RAD51B: variants seen among roughly 807,000 people sequenced by gnomAD.
The protein encoded by RAD51B is DNA repair protein RAD51 homolog 2.
A neutral mutation model predicts 42.2 loss-of-function variants in RAD51B; 38 were observed. The ratio of observed to expected loss-of-function variants is 0.90; its 90% CI spans 0.70 to 1.18. RAD51B has a LOEUF of 1.18. RAD51B is among the 50% of genes most tolerant of loss of function. The probability of loss-of-function intolerance (pLI) is 0.00; values close to 1 mark genes in which losing one functional copy is unlikely to be tolerated. For missense variants in RAD51B, 373 were observed against 400.7 expected (o/e 0.93, Z 0.59); for synonymous variants, 154 against 145.2 (o/e 1.06, Z -0.43).
intron 7 of RAD51B, among the ~76,000 whole-genome samples, chr14:68,028,492 C>G (rs1228947708): frequency 1.3e-5 from 2 of 152,238 alleles, no homozygotes; most frequent in Non-Finnish European, 2.9e-5. Context: ...TGGGCTCCTC[C>G]TCTGCTCCAG....
intron 10 of RAD51B, among the ~76,000 whole-genome samples, chr14:68,574,092 T>TTTTGTTTG (rs139231266): frequency 0.091 from 13,778 of 151,654 alleles, 793 homozygotes; most frequent in South Asian, 0.15. Flanking sequence ...AATAGCTACT[T>TTTTGTTTG]TTTGTTTGTT....
intron 7 of RAD51B, among the ~76,000 whole-genome samples, chr14:67,996,023 A>C (rs942209525): frequency 1.3e-5 from 2 of 152,136 alleles, no homozygotes; most frequent in African/African-American, 4.8e-5. Flanking sequence ...CAGTTCTGTG[A>C]AAAAAGAAAA....
chr14:68,470,936 CT>C (rs1442134318), intron 10 of RAD51B, among the ~76,000 whole-genome samples: 1 of 152,204 alleles, frequency 6.6e-6, no homozygotes, highest in African/African-American at 2.4e-5. Context: ...AACATCAAAG[CT>C]AATTTTTCCC....
At chr14:68,293,591 T>C (rs1218293487) in intron 8 of RAD51B, among the ~76,000 whole-genome samples, 1 of 152,158 alleles carries the variant, frequency 6.6e-6, no homozygotes, top group Non-Finnish European at 1.5e-5. Flanking sequence ...GCTCCAGGCC[T>C]GTGCAGAGAC....
chr14:68,372,514 G>A (rs781662844), intron 8 of RAD51B, among the ~76,000 whole-genome samples: 10 of 152,190 alleles, frequency 6.6e-5, no homozygotes, highest in Non-Finnish European at 1.3e-4. Context: ...TCGTCCAAGT[G>A]TATGGGCTGG....
chr14:68,345,511 A>G (rs2082659792), intron 8 of RAD51B, among the ~76,000 whole-genome samples: 1 of 151,782 alleles, frequency 6.6e-6, no homozygotes, highest in Non-Finnish European at 1.5e-5. Flanking sequence ...CCTACTCTCA[A>G]CTTGTGACAT....
intron 7 of RAD51B, among the ~76,000 whole-genome samples, chr14:68,282,715 T>A (rs192227316): frequency 5.6e-4 from 86 of 152,338 alleles, no homozygotes; most frequent in Middle Eastern, 3.4e-3. Context: ...ACATAGTGAG[T>A]GGCCTTTGCT....
intron 7 of RAD51B, among the ~76,000 whole-genome samples, chr14:67,888,598 A>C (rs545888895): frequency 3.0e-4 from 45 of 151,796 alleles, no homozygotes; most frequent in Admixed American, 1.7e-3. Flanking sequence ...CTCTCTAAAA[A>C]TATATATATA....
intron 7 of RAD51B, among the ~76,000 whole-genome samples, chr14:68,245,186 G>A (rs1170442976): frequency 6.6e-6 from 1 of 152,122 alleles, no homozygotes; most frequent in Non-Finnish European, 1.5e-5. Context: ...TAACAAATTG[G>A]GGTGGGTATA....
chr14:68,083,596 A>G (rs990079594), intron 7 of RAD51B, among the ~76,000 whole-genome samples: 2 of 152,216 alleles, frequency 1.3e-5, no homozygotes, highest in Non-Finnish European at 2.9e-5. Flanking sequence ...CTAGGAAAGA[A>G]AATTAGTAGA....
intron 8 of RAD51B, among the ~76,000 whole-genome samples, chr14:68,355,978 G>T (rs892064644): frequency 6.6e-6 from 1 of 152,004 alleles, no homozygotes; most frequent in South Asian, 2.1e-4. Flanking sequence ...TTTAAAAATT[G>T]CAGTAAACAT....
At position 68,565,373 on chromosome 14, in the gene RAD51B, G is replaced by A. The variant is rs185430442; in HGVS notation, c.1037-29112G>A. Among the ~76,000 whole-genome samples, 196 of 152,276 alleles carry A rather than the reference G, an allele frequency of 1.3e-3. 1 individual carries two copies. Among genetic ancestry groups the A allele is most frequent in the African/African-American group, 3.7e-3 (155 of 41,552 alleles). On this transcript the variant is annotated intron_variant, in intron 10 of 10. Transcript: ENST00000487270. This position sits in a 1 kb window ranked among gnomAD's most constrained non-coding sequence, Gnocchi z 4.1. Reference sequence around the variant, plus strand: ...CTTAGAGGTGTTTGTTCAATAATGCGAGGAGACTCATTACAACCCTGGGGC... The same window carrying A: ...CTTAGAGGTGTTTGTTCAATAATGCAAGGAGACTCATTACAACCCTGGGGC...
chr14:68,594,526 G>A (rs1890905506), exon 11 of RAD51B: 3 of 1,356,936 alleles, frequency 2.2e-6, no homozygotes, highest in Non-Finnish European at 2.9e-6. Flanking sequence ...ACTGAACTGG[G>A]CTCCAGAAAT....
Position 67,925,209 on chromosome 14 carries a change from T to C in RAD51B, c.756+38005T>C, listed in dbSNP as rs149794788. Among the ~76,000 whole-genome samples, 1,346 of 152,314 alleles carry C rather than the reference T, an allele frequency of 8.8e-3. 20 individuals are homozygous for C. Among genetic ancestry groups the C allele is most frequent in the African/African-American group, 0.031 (1,268 of 41,564 alleles). On this transcript the variant is annotated intron_variant, in intron 7 of 10. Coordinates refer to ENST00000471583, the MANE Select transcript of RAD51B (RefSeq NM_133510.4). ...ACAGCCCCCCTCCTAGCTGCCTTCA[T>C]GGGCTGGCATTGAGTGTCTGCAGCT... is the stretch of plus-strand genomic sequence containing the variant.
At chr14:68,422,978 T>C (rs772651260) in intron 9 of RAD51B, among the ~76,000 whole-genome samples, 10 of 152,192 alleles carry the variant, frequency 6.6e-5, no homozygotes, top group Non-Finnish European at 1.2e-4. Flanking sequence ...GGTCTCTTTC[T>C]AGAAGTTTCT....
chr14:68,365,670 G>A (rs1379266116), intron 8 of RAD51B, among the ~76,000 whole-genome samples: 1 of 152,158 alleles, frequency 6.6e-6, no homozygotes, highest in East Asian at 1.9e-4. Flanking sequence ...AGGCAATCAA[G>A]ACATTTTCAT....
At chr14:68,574,661 A>C (rs1249341699) in intron 10 of RAD51B, among the ~76,000 whole-genome samples, 1 of 152,244 alleles carries the variant, frequency 6.6e-6, no homozygotes, top group Non-Finnish European at 1.5e-5. Flanking sequence ...AGCGAAGCAG[A>C]AATGTATTAC....
At chr14:68,549,976 G>A (rs1304338389) in intron 10 of RAD51B, among the ~76,000 whole-genome samples, 2 of 152,208 alleles carry the variant, frequency 1.3e-5, no homozygotes, top group Non-Finnish European at 2.9e-5. Context: ...AGTGGTGGTG[G>A]AGGATTGGGG....
intron 7 of RAD51B, among the ~76,000 whole-genome samples, chr14:68,171,564 G>A (rs1454374492): frequency 2.0e-5 from 3 of 151,968 alleles, no homozygotes; most frequent in African/African-American, 7.3e-5. Flanking sequence ...GCCTCCCAAA[G>A]TGCTGGGATT....
Sources: allele counts gnomAD v4.1 joint callset (sites outside exome capture counted in the v4.1 genomes callset), GRCh38; gene constraint gnomAD v4.1.1; non-coding constraint Gnocchi (gnomAD v3.1); transcripts MANE v1.5; gene names NCBI Gene and HGNC (gene_info 2026-07-23, HGNC 2026-07-21).